CNTN4: variants seen among roughly 807,000 people sequenced by gnomAD.
CNTN4 encodes contactin-4.
Under a neutral mutation model 122.5 loss-of-function variants are expected in CNTN4, and 77 were observed. The observed-to-expected ratio is 0.63, with a 90% CI of 0.52 to 0.76. CNTN4 has a LOEUF of 0.76. Ranked by LOEUF, CNTN4 falls within the 30% of genes least tolerant of loss-of-function variation. CNTN4 has a pLI of 0.00. For synonymous variants in CNTN4, 512 were observed against 447.0 expected (o/e 1.15, Z -1.83); for missense variants, 1,256 against 1,259.1 (o/e 1.00, Z 0.04).
chr3:2,434,761 T>G (rs2048199420), intron 3 of CNTN4, among the ~76,000 whole-genome samples: 1 of 152,142 alleles, frequency 6.6e-6, no homozygotes, highest in African/African-American at 2.4e-5. Context: ...TGTGACAGAC[T>G]CAAAGACCTA....
chr3:2,530,537 T>G (rs1445584975), intron 3 of CNTN4, among the ~76,000 whole-genome samples: 1 of 152,082 alleles, frequency 6.6e-6, no homozygotes, highest in African/African-American at 2.4e-5. Flanking sequence ...CCCCATCTCC[T>G]GACCTCGTGA....
chr3:2,718,342 A>G (rs1187396478), intron 4 of CNTN4, among the ~76,000 whole-genome samples: 1 of 152,156 alleles, frequency 6.6e-6, no homozygotes, highest in Non-Finnish European at 1.5e-5. Context: ...TGGAATATTT[A>G]TAAATATCTC....
intron 3 of CNTN4, among the ~76,000 whole-genome samples, chr3:2,465,487 G>A (rs749429257): frequency 1.2e-4 from 18 of 151,968 alleles, no homozygotes; most frequent in Non-Finnish European, 1.9e-4. Flanking sequence ...GACCAGCCTG[G>A]GCAACACGGT....
At chr3:2,922,538 A>G (rs1363454300) in intron 12 of CNTN4, among the ~76,000 whole-genome samples, 6 of 152,162 alleles carry the variant, frequency 3.9e-5, no homozygotes, top group Admixed American at 3.9e-4. Flanking sequence ...GTTACAACTG[A>G]TAAATTTGCA....
intron 14 of CNTN4, among the ~76,000 whole-genome samples, chr3:3,016,016 A>G (rs780101210): frequency 1.8e-4 from 28 of 152,186 alleles, no homozygotes; most frequent in Non-Finnish European, 3.8e-4. Context: ...GTCATAAGGG[A>G]GAGTTACTTA....
At position 2,802,594 on chromosome 3, in the gene CNTN4, A is replaced by G. The variant is rs145431555; in HGVS notation, c.359-16892A>G. Among the ~76,000 whole-genome samples, 502 of 152,334 alleles carry G rather than the reference A, an allele frequency of 3.3e-3. 2 individuals are homozygous for G. Among genetic ancestry groups the G allele is most frequent in the Non-Finnish European group, 3.9e-3 (268 of 68,032 alleles). ...TTATGTATTAAATACCATGTCTTCAAACAGAAACAAGTAAAGCAAGGTTAT... is the reference window on the plus strand; with the variant it reads ...TTATGTATTAAATACCATGTCTTCAGACAGAAACAAGTAAAGCAAGGTTAT... On this transcript the variant is annotated intron_variant, in intron 6 of 24. Transcript: ENST00000418658.
At chr3:2,584,724 A>AT (rs2080105859) in intron 4 of CNTN4, among the ~76,000 whole-genome samples, 1 of 148,984 alleles carries the variant, frequency 6.7e-6, no homozygotes, top group Non-Finnish European at 1.5e-5. Flanking sequence ...AAAAAAAAGA[A>AT]TAAAAAAAAG....
intron 13 of CNTN4, among the ~76,000 whole-genome samples, chr3:2,979,533 C>T (rs1693763097): frequency 6.6e-6 from 1 of 151,894 alleles, no homozygotes; most frequent in Non-Finnish European, 1.5e-5. Context: ...GTTTCACTTT[C>T]AGGCTTTCAG....
At chr3:2,135,555 G>A (rs2034649742) in intron 2 of CNTN4, among the ~76,000 whole-genome samples, 1 of 151,616 alleles carries the variant, frequency 6.6e-6, no homozygotes, top group Admixed American at 6.6e-5. Flanking sequence ...AGAAGCATCA[G>A]AGAAACAGTG....
chr3:2,709,096 C>T lies in CNTN4; in HGVS notation c.56-27119C>T, dbSNP rs570479198. Among the ~76,000 whole-genome samples the T allele has an allele frequency of 3.1e-4, 47 of 152,186 alleles. No individual in the cohort carries two copies. The highest frequency in any genetic ancestry group is 1.2e-3 in the East Asian group (6 of 5,180). ...CTGCCACTGAATTTCATTTAGACCT[C>T]GGTGGCTGAGTTTTTAAGCTAGATC... On this transcript the variant is annotated intron_variant, in intron 4 of 24. Coordinates refer to ENST00000418658, the MANE Select transcript of CNTN4 (RefSeq NM_175607.3). This position sits in a 1 kb window ranked among gnomAD's most constrained non-coding sequence, Gnocchi z 5.0.
chr3:2,258,322 A>T (rs1045740281), intron 2 of CNTN4, among the ~76,000 whole-genome samples: 2 of 152,218 alleles, frequency 1.3e-5, no homozygotes, highest in African/African-American at 4.8e-5. Flanking sequence ...TGTTTGCAAT[A>T]GCAAAAACTT....
At chr3:3,022,811 C>T (rs1181109616) in intron 14 of CNTN4, among the ~76,000 whole-genome samples, 1 of 152,110 alleles carries the variant, frequency 6.6e-6, no homozygotes, top group African/African-American at 2.4e-5. Flanking sequence ...CAGAATTTAT[C>T]ATTCTACACA....
chr3:2,224,185 T>G (rs972784068), intron 2 of CNTN4, among the ~76,000 whole-genome samples: 14 of 152,198 alleles, frequency 9.2e-5, no homozygotes, highest in African/African-American at 3.1e-4. Flanking sequence ...ACCAGCCAAA[T>G]GTATGCCAAA....
intron 3 of CNTN4, among the ~76,000 whole-genome samples, chr3:2,490,897 A>G (rs1456717553): frequency 6.6e-6 from 1 of 152,194 alleles, no homozygotes; most frequent in African/African-American, 2.4e-5. Context: ...CCAAAGTACT[A>G]TGTTTAGCGA....
chr3:2,774,637 A>G (rs941884207), intron 6 of CNTN4, among the ~76,000 whole-genome samples: 1 of 152,112 alleles, frequency 6.6e-6, no homozygotes, highest in Non-Finnish European at 1.5e-5. Flanking sequence ...GGAACTGCAT[A>G]CTAGACCTAG....
chr3:2,178,742 T>G (rs556084625), intron 2 of CNTN4, among the ~76,000 whole-genome samples: 12 of 152,148 alleles, frequency 7.9e-5, no homozygotes, highest in South Asian at 2.1e-4. Flanking sequence ...GTATCTTTTT[T>G]GGGGGGTAGG....
At chr3:3,023,364 A>G (rs1482251143) in intron 14 of CNTN4, among the ~76,000 whole-genome samples, 1 of 152,204 alleles carries the variant, frequency 6.6e-6, no homozygotes, top group Non-Finnish European at 1.5e-5. Context: ...AACTGCACCA[A>G]CATAATCCTT....
chr3:2,875,964 T>G (rs1403664896), intron 8 of CNTN4, among the ~76,000 whole-genome samples: 15 of 152,176 alleles, frequency 9.9e-5, no homozygotes, highest in African/African-American at 3.4e-4. Flanking sequence ...CAAGCAGAGG[T>G]ATTTGGCCTC....
intron 6 of CNTN4, among the ~76,000 whole-genome samples, chr3:2,811,689 G>A (rs1460567707): frequency 6.6e-6 from 1 of 151,766 alleles, no homozygotes; most frequent in Non-Finnish European, 1.5e-5. Context: ...TTTTTAGACG[G>A]AGTCTTGCTC....
Sources: allele counts gnomAD v4.1 joint callset (sites outside exome capture counted in the v4.1 genomes callset), GRCh38; gene constraint gnomAD v4.1.1; non-coding constraint Gnocchi (gnomAD v3.1); transcripts MANE v1.5; gene names NCBI Gene and HGNC (gene_info 2026-07-23, HGNC 2026-07-21).